The following PLS1 variants were observed in gnomAD, a reference collection of about 807,000 sequenced individuals.
PLS1 encodes the protein plastin-1.
In PLS1, 32 loss-of-function variants were observed where a neutral mutation model predicts 73.7. The observed-to-expected ratio is 0.43, with a 90% confidence interval of 0.33 to 0.58. PLS1 has a LOEUF of 0.58. PLS1 is among the 20% of genes least tolerant of loss of function. PLS1 has a pLI of 0.04. For missense variants in PLS1, 633 were observed against 740.5 expected, an observed-to-expected ratio of 0.85 and a Z score of 1.68; for synonymous variants, 217 against 261.3, an observed-to-expected ratio of 0.83 and a Z score of 1.63.
At chr3:142,669,625 C>T (rs975185455) in intron 3 of PLS1, 72 bp downstream of exon 3, 1 of 1,021,900 alleles carries the variant, frequency 9.8e-7, no homozygotes, top group African/African-American at 1.6e-5. Context: ...TCATCACTAG[C>T]TTTGGTTAAA....
chr3:142,628,288 T>C (rs2036474227), intron 1 of PLS1, among the ~76,000 whole-genome samples: 2 of 152,108 alleles, frequency 1.3e-5, no homozygotes, highest in Non-Finnish European at 2.9e-5. Flanking sequence ...ATCTGTTTCC[T>C]TATATGTGGA....
At chr3:142,617,609 G>T (rs549487124) in intron 1 of PLS1, among the ~76,000 whole-genome samples, 1 of 152,258 alleles carries the variant, frequency 6.6e-6, no homozygotes, top group Non-Finnish European at 1.5e-5. Flanking sequence ...ACTTCTGAAT[G>T]AGACTCTTTG....
chr3:142,687,793 A>C (rs1231840379), intron 9 of PLS1, among the ~76,000 whole-genome samples: 3 of 152,160 alleles, frequency 2.0e-5, no homozygotes, highest in Non-Finnish European at 4.4e-5. Context: ...TAAAACCACA[A>C]TACCTTATCA....
chr3:142,703,277 G>A (rs909660850), intron 12 of PLS1, among the ~76,000 whole-genome samples: 90 of 147,590 alleles, frequency 6.1e-4, no homozygotes, highest in African/African-American at 1.8e-3. Flanking sequence ...ATTTCATCTT[G>A]GATAGTCAAG....
intron 1 of PLS1, 191 bp from the exon 2 acceptor site, chr3:142,664,011 C>T: frequency 3.4e-6 from 1 of 296,780 alleles, no homozygotes; most frequent in South Asian, 1.4e-4. Context: ...CTTCCCCTTA[C>T]TGAGTCTCAG....
At chr3:142,633,199 T>C (rs1468941375) in intron 1 of PLS1, among the ~76,000 whole-genome samples, 1 of 152,070 alleles carries the variant, frequency 6.6e-6, no homozygotes, top group Non-Finnish European at 1.5e-5. Flanking sequence ...AGAAACAAAT[T>C]AGAAGGGATT....
In PLS1 at chr3:142,683,989, T is replaced by A. The variant is rs1344203223; in HGVS notation, c.580-17T>A. 1 of 1,588,890 alleles carries A rather than the reference T, an allele frequency of 6.3e-7. No homozygotes were observed. The highest frequency in any genetic ancestry group is 1.4e-5 in the African/African-American group (1 of 73,266). Reference sequence around the variant, plus strand: ...GAAAGGACTTCCTCATGTGTACTTTTTTTTTTGGCAATTCAGGAAAATTTA... The same window carrying A: ...GAAAGGACTTCCTCATGTGTACTTTATTTTTTGGCAATTCAGGAAAATTTA... On this transcript the variant is annotated splice_polypyrimidine_tract_variant and intron_variant, in intron 6 of 15. Transcript: ENST00000457734.
intron 1 of PLS1, among the ~76,000 whole-genome samples, chr3:142,652,932 T>A (rs1312124859): frequency 6.6e-6 from 1 of 152,198 alleles, no homozygotes; most frequent in Non-Finnish European, 1.5e-5. Flanking sequence ...AAAAGTAAAG[T>A]CAGAGCTGTG....
intron 6 of PLS1, among the ~76,000 whole-genome samples, chr3:142,681,806 A>G (rs1230266345): frequency 6.6e-6 from 1 of 152,222 alleles, no homozygotes; most frequent in African/African-American, 2.4e-5. Flanking sequence ...ACTAACTGGT[A>G]GGGCAATAAT....
At chr3:142,659,476 C>A (rs1050760777) in intron 1 of PLS1, among the ~76,000 whole-genome samples, 1 of 151,970 alleles carries the variant, frequency 6.6e-6, no homozygotes, top group Non-Finnish European at 1.5e-5. Flanking sequence ...TATCTTTAGA[C>A]CACTAGTATT....
At chr3:142,654,062 C>A (rs2037163324) in intron 1 of PLS1, among the ~76,000 whole-genome samples, 1 of 152,118 alleles carries the variant, frequency 6.6e-6, no homozygotes, top group Admixed American at 6.6e-5. Flanking sequence ...GTAGAAAAGT[C>A]TTGGTGGCAA....
chr3:142,685,753 G>C (rs577591051), intron 8 of PLS1, among the ~76,000 whole-genome samples: 8 of 152,328 alleles, frequency 5.3e-5, no homozygotes, highest in Middle Eastern at 3.4e-3. Flanking sequence ...GAATCATAAG[G>C]CCTGTCCAAA....
intron 14 of PLS1, among the ~76,000 whole-genome samples, chr3:142,704,953 T>C (rs1197531026): frequency 6.6e-6 from 1 of 151,828 alleles, no homozygotes; most frequent in African/African-American, 2.4e-5. Flanking sequence ...CTACCACGCC[T>C]GGCCAGGAAC....
chr3:142,649,522 C>T lies in PLS1; in HGVS notation c.-36-14680C>T, dbSNP rs1449599246. Reference sequence around the variant, plus strand: ...GCATGGTGGCTCATGCCTGAAATCTCAGCTACTAGGGAGGCTGTGGCAGGA... The same window carrying T: ...GCATGGTGGCTCATGCCTGAAATCTTAGCTACTAGGGAGGCTGTGGCAGGA... On this transcript the variant is annotated intron_variant, in intron 1 of 15. Transcript: ENST00000457734. Among the ~76,000 whole-genome samples the T allele has an allele frequency of 4.0e-5, 6 of 151,896 alleles. No homozygotes were observed. The East Asian group carries it at 1.2e-3, about 29-fold the overall frequency.
At chr3:142,700,524 C>T (rs1027884496) in intron 12 of PLS1, among the ~76,000 whole-genome samples, 1 of 152,060 alleles carries the variant, frequency 6.6e-6, no homozygotes, top group Non-Finnish European at 1.5e-5. Flanking sequence ...GGGGTTTCAC[C>T]GTGTTAGCCA....
intron 1 of PLS1, among the ~76,000 whole-genome samples, chr3:142,611,785 A>G (rs575520614): frequency 6.6e-6 from 1 of 152,248 alleles, no homozygotes; most frequent in South Asian, 2.1e-4. Context: ...ATAATACCTA[A>G]TATCTATTGG....
At chr3:142,670,090 G>A (rs1033147014) in intron 3 of PLS1, among the ~76,000 whole-genome samples, 1 of 152,212 alleles carries the variant, frequency 6.6e-6, no homozygotes, top group Non-Finnish European at 1.5e-5. Flanking sequence ...GTGAGAGTTT[G>A]TGGTAGAAGG....
intron 14 of PLS1, among the ~76,000 whole-genome samples, chr3:142,709,816 CAAAAA>C (rs11438304): frequency 7.1e-6 from 1 of 140,602 alleles, no homozygotes; most frequent in South Asian, 2.3e-4. Context: ...GACTCTGCGT[CAAAAA>C]AAAAAAAAAA....
At chr3:142,708,634 G>C (rs1932964708) in intron 14 of PLS1, among the ~76,000 whole-genome samples, 1 of 152,152 alleles carries the variant, frequency 6.6e-6, no homozygotes, top group Admixed American at 6.5e-5. Flanking sequence ...TCATTATCTT[G>C]AAAATCAAGC....
Sources: gnomAD v4.1 joint callset for allele counts (sites outside exome capture counted in the v4.1 genomes callset) on GRCh38, gnomAD v4.1.1 for gene constraint, MANE v1.5 for transcripts, NCBI Gene and HGNC (gene_info 2026-07-23, HGNC 2026-07-21) for gene names.